TIAM2: variants seen among roughly 807,000 people sequenced by gnomAD.
TIAM2 encodes the protein rho guanine nucleotide exchange factor TIAM2.
Under a neutral mutation model 152.9 loss-of-function variants are expected in TIAM2, and 80 were observed. The ratio of observed to expected loss-of-function variants is 0.52; its 90% CI spans 0.44 to 0.63. TIAM2 has a LOEUF of 0.63. Ranked by LOEUF, TIAM2 falls within the 30% of genes least tolerant of loss-of-function variation. The probability of loss-of-function intolerance (pLI) is 0.00; values close to 1 mark genes in which losing one functional copy is unlikely to be tolerated. For missense variants in TIAM2, 1,965 were observed against 2,120.1 expected, an observed-to-expected ratio of 0.93 and a Z score of 1.44; for synonymous variants, 804 against 838.0, an observed-to-expected ratio of 0.96 and a Z score of 0.70.
intron 14 of TIAM2, among the ~76,000 whole-genome samples, chr6:155,209,459 G>T (rs148626994): frequency 6.6e-6 from 1 of 152,298 alleles, no homozygotes; most frequent in Non-Finnish European, 1.5e-5. Flanking sequence ...GGTCACTTGT[G>T]GTTGAGGGTC....
chr6:155,089,144 G>A (rs1778238382), intron 1 of TIAM2, among the ~76,000 whole-genome samples: 2 of 150,946 alleles, frequency 1.3e-5, no homozygotes, highest in Admixed American at 6.6e-5. Flanking sequence ...TAACCAGGTG[G>A]TAGCATATCA....
At chr6:155,041,941 G>C (rs1777055513) in intron 1 of TIAM2, among the ~76,000 whole-genome samples, 2 of 152,114 alleles carry the variant, frequency 1.3e-5, no homozygotes. Context: ...GTTTTGTATT[G>C]GAATCTGTTC....
At chr6:155,225,294 G>A (rs1782203738) in intron 15 of TIAM2, among the ~76,000 whole-genome samples, 1 of 152,152 alleles carries the variant, frequency 6.6e-6, no homozygotes, top group South Asian at 2.1e-4. Flanking sequence ...GGTTCATTCA[G>A]GCATAGATAA....
intron 15 of TIAM2, among the ~76,000 whole-genome samples, chr6:155,220,748 C>G (rs1264923836): frequency 6.6e-6 from 1 of 152,150 alleles, no homozygotes; most frequent in East Asian, 1.9e-4. Context: ...AGAAAATAAT[C>G]AAGCGTGTCT....
chr6:155,104,508 A>G (rs2114997339), intron 2 of TIAM2, among the ~76,000 whole-genome samples: 1 of 152,294 alleles, frequency 6.6e-6, no homozygotes, highest in East Asian at 1.9e-4. Flanking sequence ...CTGTCATCCC[A>G]GCACTTTGGG....
chr6:155,114,014 T>TATATATA (rs1778928701), intron 2 of TIAM2, among the ~76,000 whole-genome samples: 1 of 58,850 alleles, frequency 1.7e-5, no homozygotes, highest in Non-Finnish European at 3.0e-5. Context: ...ATACTTTACT[T>TATATATA]TATATATATA....
intron 15 of TIAM2, among the ~76,000 whole-genome samples, chr6:155,226,560 G>C (rs1052727350): frequency 2.0e-5 from 3 of 151,870 alleles, no homozygotes; most frequent in Non-Finnish European, 4.4e-5. Flanking sequence ...AGCTACTCAG[G>C]AGCCTGAGGC....
At chr6:155,223,517 A>ATTTTTTTTT (rs11389646) in intron 15 of TIAM2, among the ~76,000 whole-genome samples, 1 of 140,864 alleles carries the variant, frequency 7.1e-6, no homozygotes. Context: ...ACATCCCCAG[A>ATTTTTTTTT]TTTTTTTTTC....
rs74828559 is a variant in TIAM2 at position 155,068,794 on chromosome 6, G to A, written c.-208-21495G>A. 2.3e-3 allele frequency among the ~76,000 whole-genome samples: 344 copies of A among 151,916 alleles called. 12 individuals carry two copies. In the East Asian group the frequency reaches 0.059, roughly 26 times the overall value. ...TGTTTATTTTTTATTTTTTTGAGAT[G>A]GGATCTCGCCATGTTGCCCAGACTA... On this transcript the variant is annotated intron_variant, in intron 1 of 26. Coordinates refer to ENST00000682666, the MANE Select transcript of TIAM2 (RefSeq NM_012454.4).
chr6:155,037,923 A>G (rs1399559320), intron 1 of TIAM2, among the ~76,000 whole-genome samples: 1 of 152,062 alleles, frequency 6.6e-6, no homozygotes, highest in Non-Finnish European at 1.5e-5. Context: ...TTTGCTCTTC[A>G]TTCTGTGTTT....
chr6:155,230,606 AT>A (rs1431705023), intron 15 of TIAM2, among the ~76,000 whole-genome samples: 6 of 152,036 alleles, frequency 3.9e-5, no homozygotes, highest in South Asian at 2.1e-4. Flanking sequence ...GCCTCAAATA[AT>A]TTTTTTTAAG....
chr6:155,057,108 A>ATCCTCTG (rs1044901678), intron 1 of TIAM2, among the ~76,000 whole-genome samples: 2 of 132,884 alleles, frequency 1.5e-5, no homozygotes, highest in Non-Finnish European at 3.0e-5. Flanking sequence ...GGTTCACTGC[A>ATCCTCTG]TCCTCTGCCC....
At chr6:155,248,484 C>A (rs143126604) in intron 20 of TIAM2, among the ~76,000 whole-genome samples, 1 of 152,226 alleles carries the variant, frequency 6.6e-6, no homozygotes, top group Non-Finnish European at 1.5e-5. Flanking sequence ...CCTCAGGTCA[C>A]GTGGCTGTGA....
chr6:155,198,113 A>G (rs890126614), intron 14 of TIAM2, among the ~76,000 whole-genome samples: 1 of 152,186 alleles, frequency 6.6e-6, no homozygotes, highest in Non-Finnish European at 1.5e-5. Flanking sequence ...GGCTGCTTGC[A>G]TGTCACACTG....
At chr6:155,006,857 T>G (rs1304578843) in intron 1 of TIAM2, among the ~76,000 whole-genome samples, 1 of 151,624 alleles carries the variant, frequency 6.6e-6, no homozygotes, top group Non-Finnish European at 1.5e-5. Flanking sequence ...CCCAGCTAAT[T>G]TTTTTGTATT....
At chr6:155,047,702 A>AGAGAGAGAGAG (rs1562300197) in intron 1 of TIAM2, among the ~76,000 whole-genome samples, 2 of 25,562 alleles carry the variant, frequency 7.8e-5, no homozygotes, top group African/African-American at 3.4e-4. Context: ...AGAGAGAGAG[A>AGAGAGAGAGAG]GAGCGAGAGA....
At chr6:155,160,836 T>C (rs1040708702) in intron 7 of TIAM2, among the ~76,000 whole-genome samples, 1 of 152,226 alleles carries the variant, frequency 6.6e-6, no homozygotes, top group Non-Finnish European at 1.5e-5. Flanking sequence ...ATAAGGAACA[T>C]TGTTGAAATA....
chr6:155,250,831 CTG>C (rs1396559806), intron 21 of TIAM2, 80 bp from the exon 22 acceptor site: 1 of 1,382,350 alleles, frequency 7.2e-7, no homozygotes, highest in Admixed American at 1.7e-5. Flanking sequence ...TTAGCAATGA[CTG>C]TGTGTACATC....
At chr6:155,032,829 C>T (rs1326890634) in intron 1 of TIAM2, among the ~76,000 whole-genome samples, 6 of 152,156 alleles carry the variant, frequency 3.9e-5, no homozygotes, top group African/African-American at 1.2e-4. Flanking sequence ...GCCTGGGCCA[C>T]GACGCCTGGC....
Sources: gnomAD v4.1 joint callset for allele counts (sites outside exome capture counted in the v4.1 genomes callset) on GRCh38, gnomAD v4.1.1 for gene constraint, MANE v1.5 for transcripts, NCBI Gene and HGNC (gene_info 2026-07-23, HGNC 2026-07-21) for gene names.